EFNA5: variants seen among roughly 807,000 people sequenced by gnomAD.
EFNA5 encodes the protein ephrin A5, also known as ephrin-A5.
In EFNA5, 5 loss-of-function variants were observed where a neutral mutation model predicts 22.9. The observed-to-expected ratio is 0.22, with a 90% CI of 0.11 to 0.46. The LOEUF is 0.46. Among genes scored for constraint, EFNA5 ranks in the 20% least tolerant of loss-of-function variants. The probability of loss-of-function intolerance (pLI) is 0.99; values close to 1 mark genes in which losing one functional copy is unlikely to be tolerated. For synonymous variants in EFNA5, 113 were observed against 112.2 expected, an observed-to-expected ratio of 1.01 and a Z score of -0.04; for missense variants, 237 against 293.3, an observed-to-expected ratio of 0.81 and a Z score of 1.40.
intron 1 of EFNA5, among the ~76,000 whole-genome samples, chr5:107,649,349 A>G (rs557003876): frequency 9.2e-5 from 14 of 152,196 alleles, no homozygotes; most frequent in Non-Finnish European, 1.8e-4. Context: ...TCAATACATG[A>G]ATTTAGTTAG....
intron 1 of EFNA5, among the ~76,000 whole-genome samples, chr5:107,582,303 C>G (rs1232287533): frequency 6.6e-6 from 1 of 152,148 alleles, no homozygotes; most frequent in Non-Finnish European, 1.5e-5. Context: ...TATTTTTAAA[C>G]TACTTGTATT....
intron 1 of EFNA5, among the ~76,000 whole-genome samples, chr5:107,480,785 A>T (rs1750437360): frequency 6.6e-6 from 1 of 152,226 alleles, no homozygotes; most frequent in Admixed American, 6.5e-5. Flanking sequence ...GCTTGTCCAA[A>T]GGCCTTGTAC....
chr5:107,641,794 G>C (rs1750517613), intron 1 of EFNA5, among the ~76,000 whole-genome samples: 1 of 152,060 alleles, frequency 6.6e-6, no homozygotes, highest in Non-Finnish European at 1.5e-5. Context: ...ACAAAAATTA[G>C]CCTTAATCTA....
rs533548086 is a variant in EFNA5 at position 107,669,179 on chromosome 5, GC to G, written c.125+1309del. ...CATGCTGAGGGGAGGCTGGAGGCAG[GC>G]GGAGAGGGCCCGCAGGAGATAGAAA... is the stretch of plus-strand genomic sequence containing the variant. On this transcript the variant is annotated intron_variant, in intron 1 of 4. Transcript: ENST00000333274. 5.7e-4 allele frequency among the ~76,000 whole-genome samples: 86 copies of G among 152,048 alleles called. 1 individual carries two copies. Among genetic ancestry groups the G allele is most frequent in the African/African-American group, 2.1e-3 (86 of 41,484 alleles).
chr5:107,487,054 G>A (rs577523636), intron 1 of EFNA5, among the ~76,000 whole-genome samples: 1 of 152,248 alleles, frequency 6.6e-6, no homozygotes, highest in Non-Finnish European at 1.5e-5. Context: ...AAAAGATAAA[G>A]AACAACTTCC....
chr5:107,649,442 C>T (rs1481869389), intron 1 of EFNA5, among the ~76,000 whole-genome samples: 3 of 152,030 alleles, frequency 2.0e-5, no homozygotes, highest in East Asian at 3.9e-4. Flanking sequence ...ATAGGCTAAT[C>T]GTCAAATGAC....
chr5:107,611,533 A>G (rs1749819348), intron 1 of EFNA5, among the ~76,000 whole-genome samples: 1 of 152,220 alleles, frequency 6.6e-6, no homozygotes, highest in Non-Finnish European at 1.5e-5. Context: ...GTATGTAAAT[A>G]TATTAGGTTT....
intron 2 of EFNA5, among the ~76,000 whole-genome samples, chr5:107,389,290 C>T (rs1005633373): frequency 1.3e-5 from 2 of 152,150 alleles, no homozygotes; most frequent in African/African-American, 2.4e-5. Flanking sequence ...TTGCACTCTG[C>T]GGTTTGATCC....
At chr5:107,492,777 T>C (rs1270552452) in intron 1 of EFNA5, among the ~76,000 whole-genome samples, 1 of 152,244 alleles carries the variant, frequency 6.6e-6, no homozygotes, top group Non-Finnish European at 1.5e-5. Context: ...GGCGGGCGGA[T>C]CATCTGAGGT....
chr5:107,443,345 C>T (rs1330007800), intron 1 of EFNA5, among the ~76,000 whole-genome samples: 1 of 152,192 alleles, frequency 6.6e-6, no homozygotes, highest in Non-Finnish European at 1.5e-5. Flanking sequence ...TTGGGTGTTG[C>T]TAATTAAATG....
chr5:107,587,180 CAT>C (rs1386138783), intron 1 of EFNA5, among the ~76,000 whole-genome samples: 1 of 152,184 alleles, frequency 6.6e-6, no homozygotes, highest in African/African-American at 2.4e-5. Flanking sequence ...ACATTCATGA[CAT>C]ATAAAAATTC....
intron 1 of EFNA5, among the ~76,000 whole-genome samples, chr5:107,647,380 A>G (rs1750648562): frequency 6.6e-6 from 1 of 152,204 alleles, no homozygotes; most frequent in Non-Finnish European, 1.5e-5. Flanking sequence ...TCAAAATCAT[A>G]GCCCCATAAC....
At chr5:107,599,747 AAAG>A (rs1399984564) in intron 1 of EFNA5, among the ~76,000 whole-genome samples, 1 of 152,214 alleles carries the variant, frequency 6.6e-6, no homozygotes, top group Non-Finnish European at 1.5e-5. Context: ...TTTGATGAGA[AAAG>A]AAGAATAATT....
chr5:107,501,085 T>C (rs923618160), intron 1 of EFNA5, among the ~76,000 whole-genome samples: 1 of 152,172 alleles, frequency 6.6e-6, no homozygotes, highest in Non-Finnish European at 1.5e-5. Context: ...AAGGACATAT[T>C]GTGTGCATAG....
intron 1 of EFNA5, among the ~76,000 whole-genome samples, chr5:107,611,952 G>T (rs72660779): frequency 0.013 from 1,971 of 152,236 alleles, 39 homozygotes; most frequent in East Asian, 0.075. Flanking sequence ...AACTAAATGG[G>T]TAACTGCTTC....
chr5:107,645,403 A>G (rs1750611489), intron 1 of EFNA5, among the ~76,000 whole-genome samples: 1 of 152,202 alleles, frequency 6.6e-6, no homozygotes, highest in African/African-American at 2.4e-5. Flanking sequence ...AATTTGTTTA[A>G]AAGTCCTTGT....
chr5:107,624,948 G>C (rs1460341408), intron 1 of EFNA5, among the ~76,000 whole-genome samples: 1 of 151,986 alleles, frequency 6.6e-6, no homozygotes, highest in East Asian at 1.9e-4. Context: ...AACAAAAATA[G>C]CTTCAGTAAT....
intron 1 of EFNA5, among the ~76,000 whole-genome samples, chr5:107,479,943 T>G (rs533982011): frequency 6.6e-6 from 1 of 152,306 alleles, no homozygotes; most frequent in Admixed American, 6.5e-5. Flanking sequence ...AAGAAGATTC[T>G]GAGTACAATA....
At chr5:107,585,660 A>C (rs747395286) in intron 1 of EFNA5, among the ~76,000 whole-genome samples, 1 of 152,230 alleles carries the variant, frequency 6.6e-6, no homozygotes, top group African/African-American at 2.4e-5. Flanking sequence ...TAACTACAAG[A>C]AAAGGGGATG....
Sources: allele counts gnomAD v4.1 joint callset (sites outside exome capture counted in the v4.1 genomes callset), GRCh38; gene constraint gnomAD v4.1.1; transcripts MANE v1.5; gene names NCBI Gene and HGNC (gene_info 2026-07-23, HGNC 2026-07-21).